RDH8: variants seen among roughly 807,000 people sequenced by gnomAD.
RDH8 encodes photoreceptor outer segment all-trans retinol dehydrogenase.
A neutral mutation model predicts 22.3 loss-of-function variants in RDH8; 14 were observed. That is an observed-to-expected ratio of 0.63 (90% confidence interval 0.42 to 0.98). The LOEUF (loss-of-function observed/expected upper bound fraction) is 0.98, where lower values mean the gene tolerates loss of function less well. Among genes scored for constraint, RDH8 ranks in the 50% least tolerant of loss-of-function variants. The pLI is 0.00. For synonymous variants in RDH8, 175 were observed against 171.7 expected, an observed-to-expected ratio of 1.02 and a Z score of -0.15; for missense variants, 389 against 409.8, an observed-to-expected ratio of 0.95 and a Z score of 0.44.
chr19:10,017,627 G>T (rs2087629237), intron 2 of RDH8, among the ~76,000 whole-genome samples: 1 of 152,140 alleles, frequency 6.6e-6, no homozygotes, highest in South Asian at 2.1e-4. Flanking sequence ...AGTCTGGGGA[G>T]ACAGAGTAAG....
At chr19:10,013,652 C>A in intron 1 of RDH8, 52 bp downstream of exon 1, 2 of 1,593,116 alleles carry the variant, frequency 1.3e-6, no homozygotes, top group South Asian at 1.1e-5. Flanking sequence ...ACGGCTTCCC[C>A]AGCACTGTCT....
chr19:10,021,606 A>G lies in RDH8; in HGVS notation c.793A>G (p.Thr265Ala), dbSNP rs1442395107. Residue 265 changes from threonine to alanine, a missense_variant, in exon 6 of 6, where the codon ACC (threonine) becomes GCC (alanine). By Grantham distance (58) the Thr-to-Ala change is moderately conservative. Coordinates refer to ENST00000591589, the MANE Select transcript of RDH8 (RefSeq NM_015725.4). ...GACCAACATCCGCTACTCGCCGCTGACCACGCTCAAAACCGTGGATTCCTC... is the reference window on the plus strand; with the variant it reads ...GACCAACATCCGCTACTCGCCGCTGGCCACGCTCAAAACCGTGGATTCCTC... ...RQTNIRYSPL[T>A]TLKTVDSSGS... 6.2e-7 allele frequency: 1 copy of G among 1,614,002 alleles called. No individual in the cohort carries two copies. Among genetic ancestry groups the G allele is most frequent in the East Asian group, 2.2e-5 (1 of 44,878 alleles).
chr19:10,017,500 A>C (rs2087628055), intron 2 of RDH8, among the ~76,000 whole-genome samples: 1 of 152,108 alleles, frequency 6.6e-6, no homozygotes, highest in South Asian at 2.1e-4. Context: ...CTCTACAAAA[A>C]AATTAAAAAT....
intron 1 of RDH8, among the ~76,000 whole-genome samples, chr19:10,013,870 G>C (rs2145163008): frequency 6.6e-6 from 1 of 152,066 alleles, no homozygotes; most frequent in Non-Finnish European, 1.5e-5. Flanking sequence ...GTGATAAACA[G>C]ATAAAAAGAA....
chr19:10,021,173 C>CA (rs2087655324), intron 4 of RDH8, 82 bp from the exon 5 acceptor site: 1 of 1,174,336 alleles, frequency 8.5e-7, no homozygotes, highest in Non-Finnish European at 1.2e-6. Context: ...GACCCTGTAT[C>CA]TTAAAAAAAA....
In RDH8 at chr19:10,021,249, C is replaced by A. The variant is rs771005555; in HGVS notation, c.537-6C>A. The A allele has an allele frequency of 1.2e-5, 19 of 1,613,662 alleles. No individual in the cohort carries two copies. The African/African-American group carries it at 1.9e-4, about 16-fold the overall frequency. ...CAGACTTACACTACCCATGCCTGGT[C>A]GCCAGCATCTCCCTGGTGGAGCCAG... On this transcript the variant is annotated splice_region_variant and splice_polypyrimidine_tract_variant and intron_variant, in intron 4 of 5. Transcript: ENST00000591589.
chr19:10,015,412 C>A (rs1351782083), intron 1 of RDH8, among the ~76,000 whole-genome samples: 1 of 151,908 alleles, frequency 6.6e-6, no homozygotes, highest in African/African-American at 2.4e-5. Flanking sequence ...GAGATCATGC[C>A]ACTGCACTCC....
intron 1 of RDH8, among the ~76,000 whole-genome samples, chr19:10,015,397 G>A (rs1314366384): frequency 6.6e-6 from 1 of 152,020 alleles, no homozygotes; most frequent in Non-Finnish European, 1.5e-5. Context: ...AGCTTGCAGT[G>A]AGTCGAGATC....
chr19:10,019,601 C>G (rs188066833), intron 3 of RDH8, among the ~76,000 whole-genome samples: 1 of 151,936 alleles, frequency 6.6e-6, no homozygotes, highest in Admixed American at 6.6e-5. Context: ...GAGTTCAAGA[C>G]CAGCCTGGCC....
In RDH8 at chr19:10,017,130, C is replaced by A. The variant is rs1456278930; in HGVS notation, c.177C>A (p.Thr59=). The A allele has an allele frequency of 1.9e-6, 3 of 1,611,184 alleles. No individual in the cohort carries two copies. The highest frequency in any genetic ancestry group is 1.7e-6 in the Non-Finnish European group (2 of 1,178,260). ...CTGCTGGGGAGGCTCTGGGGCAGAC[C>A]CTCACCGTGGCCCAGCTGGACGTGT... ...EAAAGEALGQ[T]LTVAQLDVCS... is the part of the protein sequence containing the mutation. Residue 59 remains threonine (T), a synonymous_variant, in exon 2 of 6, where the codon ACC becomes ACA. Transcript: ENST00000591589.
chr19:10,014,321 C>T (rs1454410167), intron 1 of RDH8, among the ~76,000 whole-genome samples: 1 of 152,180 alleles, frequency 6.6e-6, no homozygotes, highest in Admixed American at 6.5e-5. Flanking sequence ...TAGAGACGCA[C>T]ACAGCTTTGA....
chr19:10,021,576 C>T lies in RDH8; in HGVS notation c.763C>T (p.Arg255Ter), dbSNP rs202119566. ...VISSTRPPLR[R>*]QTNIRYSPLT... is the part of the protein sequence containing the mutation. ...CAGCTCGACTCGACCACCCCTGCGC[C>T]GACAGACCAACATCCGCTACTCGCC... Residue 255 changes from arginine to a stop codon, truncating the protein, a stop_gained, in exon 6 of 6, where the codon CGA becomes TGA. Transcript: ENST00000591589. LOFTEE classifies it low-confidence loss of function (END_TRUNC). The T allele has an allele frequency of 1.9e-6, 3 of 1,614,010 alleles. No homozygotes were observed. The highest frequency in any genetic ancestry group is 1.1e-5 in the South Asian group (1 of 91,086).
rs1310577054 is a variant in RDH8 at position 10,022,094 on chromosome 19, C to T, written c.*345C>T. 2.8e-5 allele frequency: 8 copies of T among 282,460 alleles called. 1 individual carries two copies. In the South Asian group the frequency reaches 3.7e-4, roughly 13 times the overall value. 17.5% of individuals were successfully genotyped at this position (282,460 alleles called of 1,614,324 possible). ...GACTCTGCTACATTCAACCTCGTGACTTCATGATCCTGGGCCTGAGAACAC... is the reference window on the plus strand; with the variant it reads ...GACTCTGCTACATTCAACCTCGTGATTTCATGATCCTGGGCCTGAGAACAC... On this transcript the variant is annotated 3_prime_UTR_variant, in exon 6 of 6. Transcript: ENST00000591589.
chr19:10,016,857 A>G (rs776670389), intron 1 of RDH8, among the ~76,000 whole-genome samples, 200 bp from the exon 2 acceptor site: 5 of 152,166 alleles, frequency 3.3e-5, no homozygotes, highest in Non-Finnish European at 7.3e-5. Flanking sequence ...TGTTGAACTC[A>G]TGGTTGGAAG....
In RDH8 at chr19:10,021,430, G is replaced by A. The variant is rs2087658072; in HGVS notation, c.712G>A (p.Val238Met). 11 of 1,614,130 alleles carry A rather than the reference G, an allele frequency of 6.8e-6. No individual in the cohort carries two copies. The highest frequency in any genetic ancestry group is 2.2e-5 in the East Asian group (1 of 44,870). ...CTCCGTGGGACAGAACCCACAGGAC[G>A]TGGTTCAGGTGAGTGAAGGGCCCAG... ...FCSVGQNPQDVVQAIVNVISS... is the reference protein window; with the variant it reads ...FCSVGQNPQDMVQAIVNVISS... The change falls in exon 5 of 6, where the codon GTG becomes ATG. Residue 238 changes from valine (V) to methionine (M), a missense_variant. Coordinates refer to ENST00000591589, the MANE Select transcript of RDH8 (RefSeq NM_015725.4).
intron 2 of RDH8, 152 bp downstream of exon 2, chr19:10,017,367 C>T (rs1599242342): frequency 1.4e-6 from 1 of 699,422 alleles, no homozygotes; most frequent in Non-Finnish European, 2.1e-6. Flanking sequence ...GAGGGGTAGA[C>T]CAGTTGGTCC....
At chr19:10,018,596 T>G in intron 2 of RDH8, 135 bp from the exon 3 acceptor site, 2 of 643,736 alleles carry the variant, frequency 3.1e-6, no homozygotes, top group South Asian at 5.1e-5. Flanking sequence ...TACCAAGGTT[T>G]CATATTTGTC....
At chr19:10,016,669 G>A (rs902882219) in intron 1 of RDH8, among the ~76,000 whole-genome samples, 1 of 150,714 alleles carries the variant, frequency 6.6e-6, no homozygotes, top group South Asian at 2.1e-4. Context: ...ATGGGATCTC[G>A]CTATACTTCC....
At chr19:10,020,120 C>A (rs75491248) in intron 3 of RDH8, among the ~76,000 whole-genome samples, 40 of 151,734 alleles carry the variant, frequency 2.6e-4, no homozygotes, top group Admixed American at 1.2e-3. Flanking sequence ...CCGTCTCCCC[C>A]CCGCCAAAAA....
Sources: gnomAD v4.1 joint callset for allele counts (sites outside exome capture counted in the v4.1 genomes callset) on GRCh38, gnomAD v4.1.1 for gene constraint, MANE v1.5 for transcripts, NCBI Gene and HGNC (gene_info 2026-07-23, HGNC 2026-07-21) for gene names.